Variants in UNC13C observed in about 807,000 individuals in gnomAD.
UNC13C encodes protein unc-13 homolog C.
Under a neutral mutation model 245.4 loss-of-function variants are expected in UNC13C, and 174 were observed. The observed-to-expected ratio is 0.71, with a 90% CI of 0.63 to 0.80. UNC13C has a LOEUF of 0.80. UNC13C is among the 30% of genes least tolerant of loss of function. UNC13C has a pLI of 0.00. For missense variants in UNC13C, 2,829 were observed against 2,602.9 expected, an observed-to-expected ratio of 1.09 and a Z score of -1.89; for synonymous variants, 992 against 895.1, an observed-to-expected ratio of 1.11 and a Z score of -1.93.
chr15:53,897,260 A>G, the UNC13C span, among the ~76,000 whole-genome samples: 8 of 152,226 alleles, frequency 5.3e-5, no homozygotes, highest in Non-Finnish European at 1.2e-4. Context: ...CATTGAATAA[A>G]TGAAAGAATC....
intron 4 of UNC13C, among the ~76,000 whole-genome samples, chr15:54,169,109 T>C (rs2033290542): frequency 6.6e-6 from 1 of 152,166 alleles, no homozygotes; most frequent in Non-Finnish European, 1.5e-5. Flanking sequence ...ATTGAAGAAG[T>C]AGAACCAGGC....
At chr15:53,944,732 C>T in the UNC13C span, among the ~76,000 whole-genome samples, 1 of 152,120 alleles carries the variant, frequency 6.6e-6, no homozygotes, top group African/African-American at 2.4e-5. Context: ...TGAATCTATG[C>T]ATCCGTGTGT....
At chr15:54,019,306 T>A (rs1181225874) in intron 2 of UNC13C, among the ~76,000 whole-genome samples, 1 of 152,160 alleles carries the variant, frequency 6.6e-6, no homozygotes, top group East Asian at 1.9e-4. Flanking sequence ...TTGGAAAAAC[T>A]GATAAGAGAT....
intron 7 of UNC13C, among the ~76,000 whole-genome samples, chr15:54,240,477 G>T (rs528182987): frequency 1.3e-5 from 2 of 151,990 alleles, no homozygotes; most frequent in Non-Finnish European, 2.9e-5. Flanking sequence ...ATATCAAATG[G>T]TACCACTTCT....
At chr15:54,622,933 A>G (rs1242642018) in intron 31 of UNC13C, among the ~76,000 whole-genome samples, 1 of 152,140 alleles carries the variant, frequency 6.6e-6, no homozygotes, top group East Asian at 1.9e-4. Context: ...TCACTTCAAT[A>G]CCCACTTTGA....
Position 54,012,824 on chromosome 15 carries a change from G to T in UNC13C, c.-80G>T. The T allele has an allele frequency of 8.8e-7, 1 of 1,136,820 alleles. No individual in the cohort carries two copies. Among genetic ancestry groups the T allele is most frequent in the Non-Finnish European group, 1.3e-6 (1 of 790,762 alleles). The allele number at this position is 1,136,820 out of a possible 1,614,324, so 70.4% of individuals were successfully genotyped here. A position where few individuals can be genotyped will look rare whatever the true frequency, so the allele number is the denominator to read the frequency against. On this transcript the variant is annotated 5_prime_UTR_variant, in exon 2 of 33. The change abolishes an upstream ATG in the 5' untranslated region. Coordinates refer to ENST00000260323, the MANE Select transcript of UNC13C (RefSeq NM_001080534.3). ...ATTCACAGAACTTCTGAACAGTGAT[G>T]CTTGCCTTGGATTTTCAGGTTTTCA...
At chr15:54,196,489 T>C (rs2034358380) in intron 4 of UNC13C, among the ~76,000 whole-genome samples, 1 of 152,188 alleles carries the variant, frequency 6.6e-6, no homozygotes, top group South Asian at 2.1e-4. Context: ...TTTATGAAAC[T>C]GGTGTAACCT....
At chr15:54,503,585 A>G (rs1022405546) in intron 22 of UNC13C, among the ~76,000 whole-genome samples, 1 of 152,004 alleles carries the variant, frequency 6.6e-6, no homozygotes, top group African/African-American at 2.4e-5. Flanking sequence ...GGTGTTCACC[A>G]CCATACCCGG....
upstream of UNC13C, among the ~76,000 whole-genome samples, chr15:53,977,595 A>G (rs1051916535): frequency 6.6e-6 from 1 of 152,222 alleles, no homozygotes; most frequent in African/African-American, 2.4e-5. Flanking sequence ...GAGCAGATGT[A>G]GCTTAAAACC....
chr15:54,084,685 C>T (rs1207064266), intron 2 of UNC13C, among the ~76,000 whole-genome samples: 1 of 152,120 alleles, frequency 6.6e-6, no homozygotes, highest in Non-Finnish European at 1.5e-5. Context: ...TACATAAAAA[C>T]ATGCAGAATA....
intron 26 of UNC13C, 48 bp downstream of exon 26, chr15:54,533,114 A>T (rs1287493813): frequency 6.7e-7 from 1 of 1,485,060 alleles, no homozygotes; most frequent in African/African-American, 1.4e-5. Flanking sequence ...CCTAAATTTG[A>T]CCTTTAAGGC....
the UNC13C span, among the ~76,000 whole-genome samples, chr15:53,952,470 A>C: frequency 1.3e-5 from 2 of 152,162 alleles, no homozygotes; most frequent in Non-Finnish European, 2.9e-5. Flanking sequence ...CTATCAATTA[A>C]TTTATGTTAC....
At chr15:54,390,030 G>A (rs1251974257) in intron 17 of UNC13C, among the ~76,000 whole-genome samples, 2 of 152,060 alleles carry the variant, frequency 1.3e-5, no homozygotes, top group Admixed American at 6.6e-5. Flanking sequence ...CGCCCGGCCC[G>A]TCTTTGCATT....
intron 10 of UNC13C, among the ~76,000 whole-genome samples, chr15:54,266,189 G>A (rs1276869284): frequency 6.6e-6 from 1 of 151,866 alleles, no homozygotes; most frequent in Admixed American, 6.6e-5. Context: ...ACCATGGTAG[G>A]TAAATACACC....
chr15:54,494,005 C>T (rs1251019610), intron 19 of UNC13C, among the ~76,000 whole-genome samples: 3 of 152,002 alleles, frequency 2.0e-5, no homozygotes, highest in African/African-American at 7.2e-5. Context: ...AATCATGTGC[C>T]TCATAAGTTA....
intron 1 of UNC13C, among the ~76,000 whole-genome samples, chr15:54,008,069 C>T (rs1895221546): frequency 1.3e-5 from 2 of 152,192 alleles, no homozygotes; most frequent in Non-Finnish European, 2.9e-5. Flanking sequence ...AATGCTTTAA[C>T]TTAATTCTGG....
intron 2 of UNC13C, among the ~76,000 whole-genome samples, chr15:54,115,415 A>C (rs1392233976): frequency 6.6e-6 from 1 of 152,074 alleles, no homozygotes; most frequent in Non-Finnish European, 1.5e-5. Context: ...ATAATAAGTC[A>C]GTTCCCATGT....
chr15:54,613,053 C>CAAA (rs1900207758), intron 30 of UNC13C, among the ~76,000 whole-genome samples: 1 of 151,776 alleles, frequency 6.6e-6, no homozygotes, highest in Admixed American at 6.6e-5. Flanking sequence ...GAACAAGAGA[C>CAAA]TTCTAAACAA....
At chr15:53,851,548 C>T in the UNC13C span, among the ~76,000 whole-genome samples, 1 of 152,134 alleles carries the variant, frequency 6.6e-6, no homozygotes, top group Non-Finnish European at 1.5e-5. Flanking sequence ...CTCTGTGTCT[C>T]ATCTCCTCCT....
Sources: gnomAD v4.1 joint callset for allele counts (sites outside exome capture counted in the v4.1 genomes callset) on GRCh38, gnomAD v4.1.1 for gene constraint, MANE v1.5 for transcripts, NCBI Gene and HGNC (gene_info 2026-07-23, HGNC 2026-07-21) for gene names.